ADK: variants seen among roughly 807,000 people sequenced by gnomAD.
The protein encoded by ADK is adenosine kinase.
In ADK, 24 loss-of-function variants were observed where a neutral mutation model predicts 44.7. The observed-to-expected ratio is 0.54, with a 90% CI of 0.39 to 0.76. ADK has a LOEUF of 0.76. ADK is among the 30% of genes least tolerant of loss of function. The pLI is 0.00. For synonymous variants in ADK, 128 were observed against 142.6 expected (o/e 0.90, Z 0.73); for missense variants, 321 against 425.1 (o/e 0.76, Z 2.15).
intron 10 of ADK, among the ~76,000 whole-genome samples, chr10:74,704,188 G>T (rs1856522732): frequency 1.3e-5 from 2 of 152,154 alleles, no homozygotes; most frequent in Non-Finnish European, 2.9e-5. Context: ...GAAGTAAAGA[G>T]GAGTGGGGAG....
At chr10:74,360,555 A>G (rs1396587665) in intron 4 of ADK, among the ~76,000 whole-genome samples, 3 of 151,692 alleles carry the variant, frequency 2.0e-5, no homozygotes, top group Non-Finnish European at 4.4e-5. Flanking sequence ...GCTCTCTCTC[A>G]TGCTCTCTCT....
At chr10:74,305,462 C>T (rs1840212584) in intron 3 of ADK, among the ~76,000 whole-genome samples, 1 of 152,114 alleles carries the variant, frequency 6.6e-6, no homozygotes, top group African/African-American at 2.4e-5. Context: ...TGCTCCTCTC[C>T]TTTCTTCCTC....
chr10:74,665,491 A>C, intron 9 of ADK, among the ~76,000 whole-genome samples: 1 of 152,102 alleles, frequency 6.6e-6, no homozygotes, highest in Non-Finnish European at 1.5e-5. Flanking sequence ...CCTGGTGTTT[A>C]GGAGGCTGAG....
chr10:74,672,299 T>G (rs1855218461), intron 10 of ADK, among the ~76,000 whole-genome samples: 1 of 152,226 alleles, frequency 6.6e-6, no homozygotes, highest in African/African-American at 2.4e-5. Context: ...GTGTTTTGTT[T>G]TTTTACAGCA....
chr10:74,181,947 C>G (rs999462699), intron 1 of ADK, among the ~76,000 whole-genome samples: 5 of 152,128 alleles, frequency 3.3e-5, no homozygotes, highest in African/African-American at 1.2e-4. Flanking sequence ...TTCTGGGACT[C>G]TGGACATCAC....
chr10:74,515,807 G>A (rs1349130039), intron 6 of ADK, among the ~76,000 whole-genome samples: 1 of 152,250 alleles, frequency 6.6e-6, no homozygotes, highest in African/African-American at 2.4e-5. Context: ...CTGGCAGACT[G>A]GTTTCTCTGT....
intron 1 of ADK, among the ~76,000 whole-genome samples, chr10:74,193,699 G>A (rs969585622): frequency 2.0e-5 from 3 of 152,026 alleles, no homozygotes; most frequent in Admixed American, 2.0e-4. Context: ...AGCTTGGGAG[G>A]TTGAGCCTGC....
intron 9 of ADK, among the ~76,000 whole-genome samples, chr10:74,635,753 T>C (rs1427077949): frequency 6.6e-6 from 1 of 152,016 alleles, no homozygotes; most frequent in East Asian, 1.9e-4. Flanking sequence ...GACTTCCAAT[T>C]TGTACTCTTC....
At chr10:74,456,400 C>T (rs532518952) in intron 6 of ADK, among the ~76,000 whole-genome samples, 15 of 152,120 alleles carry the variant, frequency 9.9e-5, no homozygotes, top group South Asian at 6.2e-4. Flanking sequence ...CAAGGCTGGG[C>T]GCGGTGGTTC....
At chr10:74,261,381 C>A (rs184134383) in intron 3 of ADK, among the ~76,000 whole-genome samples, 3 of 152,236 alleles carry the variant, frequency 2.0e-5, no homozygotes, top group Admixed American at 2.0e-4. Context: ...TCTCCTTCAG[C>A]CCTCTATTCT....
chr10:74,413,813 C>T (rs1458654725), intron 6 of ADK, among the ~76,000 whole-genome samples: 3 of 152,184 alleles, frequency 2.0e-5, no homozygotes, highest in Admixed American at 6.5e-5. Flanking sequence ...TCAATCATTT[C>T]TAGCTTTTGA....
intron 4 of ADK, among the ~76,000 whole-genome samples, chr10:74,349,809 A>G (rs2131900299): frequency 6.6e-6 from 1 of 152,318 alleles, no homozygotes; most frequent in Non-Finnish European, 1.5e-5. Context: ...AAAGATCAAA[A>G]AAGACAAAGA....
intron 2 of ADK, among the ~76,000 whole-genome samples, chr10:74,219,049 C>T (rs1169858284): frequency 6.6e-6 from 1 of 152,010 alleles, no homozygotes; most frequent in African/African-American, 2.4e-5. Flanking sequence ...GGACTAAATG[C>T]TCCAATTAAA....
At chr10:74,337,722 T>TA (rs1564661069) in intron 4 of ADK, among the ~76,000 whole-genome samples, 1 of 152,136 alleles carries the variant, frequency 6.6e-6, no homozygotes, top group Non-Finnish European at 1.5e-5. Flanking sequence ...GCTTACTAAC[T>TA]GTGAGCTTGA....
At chr10:74,510,026 A>G (rs530365863) in intron 6 of ADK, among the ~76,000 whole-genome samples, 1 of 152,112 alleles carries the variant, frequency 6.6e-6, no homozygotes, top group Non-Finnish European at 1.5e-5. Flanking sequence ...GCTATTGTGG[A>G]TAGTGCTGCA....
intron 1 of ADK, among the ~76,000 whole-genome samples, chr10:74,200,122 G>A (rs1843317252): frequency 6.9e-6 from 1 of 144,330 alleles, no homozygotes; most frequent in Non-Finnish European, 1.5e-5. Flanking sequence ...CAGTTTATAA[G>A]TATTACCTTT....
At chr10:74,391,096 A>G (rs1004543677) in intron 4 of ADK, among the ~76,000 whole-genome samples, 7 of 152,202 alleles carry the variant, frequency 4.6e-5, no homozygotes, top group Non-Finnish European at 1.5e-5. Context: ...CATAACCAAC[A>G]ATAAACCTAC....
chr10:74,498,099 C>T (rs2133433075), intron 6 of ADK, among the ~76,000 whole-genome samples: 1 of 152,250 alleles, frequency 6.6e-6, no homozygotes, highest in South Asian at 2.1e-4. Flanking sequence ...CCGTGTTAGC[C>T]AGGATGGTGT....
chr10:74,287,991 A>G (rs1436064453), intron 3 of ADK, among the ~76,000 whole-genome samples: 1 of 151,784 alleles, frequency 6.6e-6, no homozygotes, highest in Non-Finnish European at 1.5e-5. Context: ...TCAAAAAAAA[A>G]AAAAAAAAAA....
Sources: gnomAD v4.1 joint callset for allele counts (sites outside exome capture counted in the v4.1 genomes callset) on GRCh38, gnomAD v4.1.1 for gene constraint, MANE v1.5 for transcripts, NCBI Gene and HGNC (gene_info 2026-07-23, HGNC 2026-07-21) for gene names.